The following CELSR3 variants were observed in gnomAD, a reference collection of about 807,000 sequenced individuals.
CELSR3 encodes EGF-like protein 1.
Under a neutral mutation model 270.0 loss-of-function variants are expected in CELSR3, and 73 were observed. The observed-to-expected ratio is 0.27, with a 90% CI of 0.22 to 0.33. CELSR3 has a LOEUF of 0.33. Among genes scored for constraint, CELSR3 ranks in the 10% least tolerant of loss-of-function variants. The pLI, the probability that CELSR3 is intolerant of heterozygous loss-of-function variation, is 1.00. For synonymous variants in CELSR3, 1,780 were observed against 1,905.4 expected (o/e 0.93, Z 1.71); for missense variants, 3,614 against 4,533.8 (o/e 0.80, Z 5.83).
chr3:48,654,552 G>T lies in CELSR3; in HGVS notation c.4989-100C>A. 2 of 1,022,010 alleles carry T rather than the reference G, an allele frequency of 2.0e-6. No individual in the cohort carries two copies. Among genetic ancestry groups the T allele is most frequent in the South Asian group, 1.7e-5 (1 of 60,172 alleles). The allele number at this position is 1,022,010 out of a possible 1,614,324, so 63.3% of individuals were successfully genotyped here. A position where few individuals can be genotyped will look rare whatever the true frequency, so the allele number is the denominator to read the frequency against. ...AGGGGGGTAGGACCCAGAGGGTAGG[G>T]TGATTGAGGGAGGAAAATAAGGCCG... On this transcript the variant is annotated intron_variant, in intron 6 of 34. Coordinates refer to ENST00000164024, the MANE Select transcript of CELSR3 (RefSeq NM_001407.3). The surrounding 1 kb of genome is among the most constrained non-coding windows in gnomAD (Gnocchi z 5.4).
rs1559479487 is a variant in CELSR3 at position 48,651,940 on chromosome 3, G to A, written c.5860C>T (p.Pro1954Ser). 1.2e-6 allele frequency: 2 copies of A among 1,610,718 alleles called. No homozygotes were observed. Among genetic ancestry groups the A allele is most frequent in the Non-Finnish European group, 1.7e-6 (2 of 1,179,092 alleles). ...CGGCAGTCTGCGTGAGGTGGGCAGG[G>A]CCCAGAGGCACAGGCGTTGGTCACA... ...CVVTNACASG[P>S]CPPHADCRDL... Residue 1954 changes from proline to serine, a missense_variant, in exon 12 of 35, where the codon CCC becomes TCC. By Grantham distance (74) the Pro-to-Ser change is moderately conservative. Coordinates refer to ENST00000164024, the MANE Select transcript of CELSR3 (RefSeq NM_001407.3). The surrounding 1 kb of genome is among the most constrained non-coding windows in gnomAD (Gnocchi z 7.4).
chr3:48,651,983 A>G lies in CELSR3; in HGVS notation c.5817T>C (p.Asn1939=). 1.3e-6 allele frequency: 2 copies of G among 1,596,886 alleles called. No individual in the cohort carries two copies. The highest frequency in any genetic ancestry group is 1.7e-6 in the Non-Finnish European group (2 of 1,173,708). Residue 1939 remains asparagine (N), a synonymous_variant, in exon 12 of 35, where the codon AAT becomes AAC. Transcript: ENST00000164024. The surrounding 1 kb of genome is among the most constrained non-coding windows in gnomAD (Gnocchi z 7.4). ...PALLPPSHRV[N]AEPGCVVTNA... is the part of the protein sequence containing the mutation. ...TGGTCACAACACAGCCAGGCTCCGCATTCACTCGGTGGCTGGGGGGTAGCA... is the reference window on the plus strand; with the variant it reads ...TGGTCACAACACAGCCAGGCTCCGCGTTCACTCGGTGGCTGGGGGGTAGCA...
In CELSR3 at chr3:48,641,478, C is replaced by T; in HGVS notation, c.8871G>A (p.Glu2957=). 1.9e-6 allele frequency: 3 copies of T among 1,612,392 alleles called. No homozygotes were observed. The highest frequency in any genetic ancestry group is 2.2e-5 in the South Asian group (2 of 91,068). ...DLLSYWPALG[E]CEAAPCALQT... is the part of the protein sequence containing the mutation. ...GCAGAGCACAGGGGGCTGCCTCGCACTCCCCCAGGGCTGGCCAGTAGGACA... is the reference window on the plus strand; with the variant it reads ...GCAGAGCACAGGGGGCTGCCTCGCATTCCCCCAGGGCTGGCCAGTAGGACA... Residue 2957 remains glutamate, a synonymous_variant, in exon 33 of 35, where the codon GAG becomes GAA. Coordinates refer to ENST00000164024, the MANE Select transcript of CELSR3 (RefSeq NM_001407.3). The surrounding 1 kb of genome is among the most constrained non-coding windows in gnomAD (Gnocchi z 4.8).
rs200999129 is a variant in CELSR3 at position 48,648,464 on chromosome 3, G to A, written c.6778-3C>T. On this transcript the variant is annotated splice_polypyrimidine_tract_variant and splice_region_variant and intron_variant, in intron 18 of 34. Coordinates refer to ENST00000164024, the MANE Select transcript of CELSR3 (RefSeq NM_001407.3). ...GCAGAGCCGGCCCACAGCAGATTCT[G>A]GGAAGACAGAGATAGAATTGGGTTC... is the stretch of plus-strand genomic sequence containing the variant. The A allele has an allele frequency of 6.1e-4, 934 of 1,541,326 alleles. 5 individuals are homozygous for A. The highest frequency in any genetic ancestry group is 4.1e-5 in the Non-Finnish European group (47 of 1,147,170).
rs1253321330 is a variant in CELSR3, at chr3:48,660,872, T to C, written c.1763A>G (p.Asn588Ser). 1 of 1,613,984 alleles carries C rather than the reference T, an allele frequency of 6.2e-7. No individual in the cohort carries two copies. Among genetic ancestry groups the C allele is most frequent in the Admixed American group, 1.7e-5 (1 of 60,028 alleles). Reference protein sequence around the residue: ...GLVHYNIISGNSRGHFAIDSL... With the variant: ...GLVHYNIISGSSRGHFAIDSL... ...GTCGATGGCAAAGTGTCCACGGCTA[T>C]TGCCACTGATGATGTTGTAGTGCAC... The change falls in exon 1 of 35, where the codon AAT (asparagine) becomes AGT (serine). Residue 588 changes from asparagine to serine, a missense_variant. By Grantham distance (46) the Asn-to-Ser change is conservative. Transcript: ENST00000164024. This position sits in a 1 kb window ranked among gnomAD's most constrained non-coding sequence, Gnocchi z 5.5.
chr3:48,656,362 T>C lies in CELSR3; in HGVS notation c.4403A>G (p.Glu1468Gly), dbSNP rs1479517758. Reference protein sequence around the residue: ...TCVCRPRFTGEDCELDTEAGR... With the variant: ...TCVCRPRFTGGDCELDTEAGR... The stretch of plus-strand genomic sequence containing the variant: ...GGCCTCGGTGTCCAGCTCGCAGTCC[T>C]CTCCTGGGGGCCAAGCCGCGGTCAG... Residue 1468 changes from glutamate to glycine, a missense_variant, in exon 3 of 35, where the codon GAG becomes GGG. Around this residue, in one of 7 missense-constraint regions of CELSR3, gnomAD observed 1,331 missense variants for 1,933.7 expected, o/e 0.69. Transcript: ENST00000164024. 1.4e-5 allele frequency: 20 copies of C among 1,415,522 alleles called. No individual in the cohort carries two copies. The South Asian group carries it at 3.1e-4, about 22-fold the overall frequency. 87.7% of individuals were successfully genotyped at this position (1,415,522 alleles called of 1,614,324 possible).
intron 19 of CELSR3, 28 bp downstream of exon 19, chr3:48,648,238 G>GGGCCCCCCCACAC: frequency 7.4e-7 from 1 of 1,342,630 alleles, no homozygotes; most frequent in Non-Finnish European, 1.1e-6. Flanking sequence ...CCCCTGCTGT[G>GGGCCCCCCCACAC]CCCCGCCCTA....
rs370119197 is a variant in CELSR3 at position 48,653,202 on chromosome 3, G to A, written c.5449-15C>T. 2 of 1,611,508 alleles carry A rather than the reference G, an allele frequency of 1.2e-6. No individual in the cohort carries two copies. The highest frequency in any genetic ancestry group is 1.7e-6 in the Non-Finnish European group (2 of 1,178,848). Reference sequence around the variant, plus strand: ...CCCCGATCTAGCTGTGGGCAGAGATGCATAGCCCTGGGGTTAGAGCCCCAT... The same window carrying A: ...CCCCGATCTAGCTGTGGGCAGAGATACATAGCCCTGGGGTTAGAGCCCCAT... On this transcript the variant is annotated splice_polypyrimidine_tract_variant and intron_variant, in intron 9 of 34. Transcript: ENST00000164024. This position sits in a 1 kb window ranked among gnomAD's most constrained non-coding sequence, Gnocchi z 6.5.
Position 48,645,383 on chromosome 3 carries a change from C to T in CELSR3, c.7797+60G>A. 6.2e-7 allele frequency: 1 copy of T among 1,603,460 alleles called. No homozygotes were observed. The highest frequency in any genetic ancestry group is 8.5e-7 in the Non-Finnish European group (1 of 1,171,940). ...TGACCTCTGACCCTGAGTTTTGGCCCCAGGCCTCCTGGGCCAGTAGGGTCA... is the reference window on the plus strand; with the variant it reads ...TGACCTCTGACCCTGAGTTTTGGCCTCAGGCCTCCTGGGCCAGTAGGGTCA... On this transcript the variant is annotated intron_variant, in intron 24 of 34. Coordinates refer to ENST00000164024, the MANE Select transcript of CELSR3 (RefSeq NM_001407.3). The surrounding 1 kb of genome is among the most constrained non-coding windows in gnomAD (Gnocchi z 5.4).
Position 48,652,018 on chromosome 3 carries a change from A to G in CELSR3, c.5782T>C (p.Ser1928Pro). 1 of 1,576,864 alleles carries G rather than the reference A, an allele frequency of 6.3e-7. No homozygotes were observed. The highest frequency in any genetic ancestry group is 8.6e-7 in the Non-Finnish European group (1 of 1,164,482). ...TGGCTGGGGGGTAGCAGGGCCGGGGAGCCAGAGGGTGTGGAGCCGAGCCAC... is the reference window on the plus strand; with the variant it reads ...TGGCTGGGGGGTAGCAGGGCCGGGGGGCCAGAGGGTGTGGAGCCGAGCCAC... ...GVWLGSTPSG[S>P]PALLPPSHRV... Residue 1928 changes from serine (S) to proline (P), a missense_variant, in exon 12 of 35, where the codon TCC becomes CCC. Transcript: ENST00000164024. The surrounding 1 kb of genome is among the most constrained non-coding windows in gnomAD (Gnocchi z 4.3).
At position 48,641,554 on chromosome 3, in the gene CELSR3, T is replaced by C. The variant is rs779864937; in HGVS notation, c.8825-30A>G. The C allele has an allele frequency of 3.3e-6, 5 of 1,532,914 alleles. No homozygotes were observed. The highest frequency in any genetic ancestry group is 4.5e-6 in the Non-Finnish European group (5 of 1,110,486). The allele number at this position is 1,532,914 out of a possible 1,614,324, so 95.0% of individuals were successfully genotyped here. A position where few individuals can be genotyped will look rare whatever the true frequency, so the allele number is the denominator to read the frequency against. On this transcript the variant is annotated intron_variant, in intron 32 of 34. Coordinates refer to ENST00000164024, the MANE Select transcript of CELSR3 (RefSeq NM_001407.3). The surrounding 1 kb of genome is among the most constrained non-coding windows in gnomAD (Gnocchi z 4.8). ...GGAGCCAGGTCAGGTTACAGGAGCT[T>C]CTGGGTTGATCCCAGTGACTCATGA...
rs114474287 is a variant in CELSR3, at chr3:48,656,538, C to T, written c.4399+160G>A. On this transcript the variant is annotated intron_variant, in intron 2 of 34. Transcript: ENST00000164024. ...CCCCTCCCCAGTCTCATCGCTGCCT[C>T]GGCGGCGGCCCCTTCCGGCCACGCT... Among the ~76,000 whole-genome samples, 1,108 of 152,360 alleles carry T rather than the reference C, an allele frequency of 7.3e-3. 7 individuals are homozygous for T. Among genetic ancestry groups the T allele is most frequent in the Admixed American group, 0.016 (249 of 15,310 alleles).
At position 48,653,282 on chromosome 3, in the gene CELSR3, G is replaced by A. The variant is rs1028870959; in HGVS notation, c.5449-95C>T. ...GGGCTCAGAGGTCAGGAATATCAGA[G>A]GTCAGAACAGTGGGGTCAAGGTTAT... On this transcript the variant is annotated intron_variant, in intron 9 of 34. Transcript: ENST00000164024. This position sits in a 1 kb window ranked among gnomAD's most constrained non-coding sequence, Gnocchi z 6.5. 6.9e-6 allele frequency: 8 copies of A among 1,159,256 alleles called. No homozygotes were observed. In the Admixed American group the frequency reaches 1.7e-4, roughly 25 times the overall value. 71.8% of individuals were successfully genotyped at this position (1,159,256 alleles called of 1,614,324 possible).
In CELSR3 at chr3:48,645,367, A is replaced by T. The variant is rs201542670; in HGVS notation, c.7797+76T>A. On this transcript the variant is annotated intron_variant, in intron 24 of 34. Coordinates refer to ENST00000164024, the MANE Select transcript of CELSR3 (RefSeq NM_001407.3). The surrounding 1 kb of genome is among the most constrained non-coding windows in gnomAD (Gnocchi z 5.4). The stretch of plus-strand genomic sequence containing the variant: ...CCAACCTGAGCATCCCTGACCTCTG[A>T]CCCTGAGTTTTGGCCCCAGGCCTCC... 3.3e-5 allele frequency: 52 copies of T among 1,591,144 alleles called. No individual in the cohort carries two copies. Among genetic ancestry groups the T allele is most frequent in the Admixed American group, 5.1e-5 (3 of 59,364 alleles).
rs1324291869 is a variant in CELSR3 at position 48,644,741 on chromosome 3, G to A, written c.8060C>T (p.Ala2687Val). ...CACTATGACCAGGACAACAGGGCCA[G>A]CAAAGCTCCAGATGAGGGGCTCGTG... ...SVHEPLIWSF[A>V]GPVVLVIVMN... Residue 2687 changes from alanine (A) to valine (V), a missense_variant, in exon 26 of 35, where the codon GCT becomes GTT. Ala to Val is a moderately conservative substitution (Grantham distance 64). Around this residue, in one of 7 missense-constraint regions of CELSR3, gnomAD observed 1,240 missense variants for 1,351.7 expected, o/e 0.92. Transcript: ENST00000164024. This position sits in a 1 kb window ranked among gnomAD's most constrained non-coding sequence, Gnocchi z 4.8. 1 of 1,613,500 alleles carries A rather than the reference G, an allele frequency of 6.2e-7. No individual in the cohort carries two copies. Among genetic ancestry groups the A allele is most frequent in the East Asian group, 2.2e-5 (1 of 44,874 alleles).
rs1174830576 is a variant in CELSR3, at chr3:48,654,500, A to G, written c.4989-48T>C. On this transcript the variant is annotated intron_variant, in intron 6 of 34. Coordinates refer to ENST00000164024, the MANE Select transcript of CELSR3 (RefSeq NM_001407.3). This position sits in a 1 kb window ranked among gnomAD's most constrained non-coding sequence, Gnocchi z 5.4. ...ATTGGTGGGACTGGGGCCAGAGTAG[A>G]GTTGCTCCTGGGGGGCCACAGGAAG... is the stretch of plus-strand genomic sequence containing the variant. 1 of 1,509,516 alleles carries G rather than the reference A, an allele frequency of 6.6e-7. No homozygotes were observed. The highest frequency in any genetic ancestry group is 2.3e-5 in the East Asian group (1 of 43,774). 93.5% of individuals were successfully genotyped at this position (1,509,516 alleles called of 1,614,324 possible).
In CELSR3 at chr3:48,646,664, T is replaced by C; in HGVS notation, c.7295+99A>G. 1 of 1,239,332 alleles carries C rather than the reference T, an allele frequency of 8.1e-7. No individual in the cohort carries two copies. Among genetic ancestry groups the C allele is most frequent in the Non-Finnish European group, 1.1e-6 (1 of 885,902 alleles). 76.8% of individuals were successfully genotyped at this position (1,239,332 alleles called of 1,614,324 possible). On this transcript the variant is annotated intron_variant, in intron 21 of 34. Coordinates refer to ENST00000164024, the MANE Select transcript of CELSR3 (RefSeq NM_001407.3). This position sits in a 1 kb window ranked among gnomAD's most constrained non-coding sequence, Gnocchi z 4.8. The stretch of plus-strand genomic sequence containing the variant: ...AGGATGGGGCTCCCTGGAGCTGTGC[T>C]CCTCTCTGTGTGTTGTGAACCTACG...
rs757863136 is a variant in CELSR3 at position 48,638,201 on chromosome 3, C to T, written c.*4G>A. The stretch of plus-strand genomic sequence containing the variant: ...AGCTGTTCCTCGTCCACGCCGTCAT[C>T]CCCTCAGGAGTGACCCTCACTTCTG... On this transcript the variant is annotated 3_prime_UTR_variant, in exon 35 of 35. Coordinates refer to ENST00000164024, the MANE Select transcript of CELSR3 (RefSeq NM_001407.3). 1 of 1,612,480 alleles carries T rather than the reference C, an allele frequency of 6.2e-7. No individual in the cohort carries two copies. Among genetic ancestry groups the T allele is most frequent in the Admixed American group, 1.7e-5 (1 of 60,004 alleles).
chr3:48,647,805 C>T (rs781351562), intron 20 of CELSR3, 36 bp downstream of exon 20: 2 of 1,597,358 alleles, frequency 1.3e-6, no homozygotes, highest in Non-Finnish European at 1.7e-6. Context: ...GACAGAGAGA[C>T]AGGACTTGGC....
Sources: gnomAD v4.1 joint callset for allele counts (sites outside exome capture counted in the v4.1 genomes callset) on GRCh38, gnomAD v4.1.1 for gene constraint, gnomAD v4.1.1 regional missense constraint, Gnocchi (gnomAD v3.1) non-coding constraint, MANE v1.5 for transcripts, NCBI Gene and HGNC (gene_info 2026-07-23, HGNC 2026-07-21) for gene names.